The following METTL15 variants were observed in gnomAD, a reference collection of about 807,000 sequenced individuals.
The protein encoded by METTL15 is 12S rRNA N(4)-cytidine methyltransferase METTL15.
Under a neutral mutation model 38.3 loss-of-function variants are expected in METTL15, and 34 were observed. The ratio of observed to expected loss-of-function variants is 0.89; its 90% CI spans 0.68 to 1.18. The LOEUF is 1.18. Among genes scored for constraint, METTL15 ranks in the 50% most tolerant of loss-of-function variants. METTL15 has a pLI of 0.00. For synonymous variants in METTL15, 162 were observed against 170.9 expected, an observed-to-expected ratio of 0.95 and a Z score of 0.41; for missense variants, 438 against 498.4, an observed-to-expected ratio of 0.88 and a Z score of 1.15.
chr11:28,218,703 A>G (rs745497611), intron 4 of METTL15, among the ~76,000 whole-genome samples: 24 of 152,152 alleles, frequency 1.6e-4, no homozygotes, highest in East Asian at 7.7e-4. Flanking sequence ...GGTTGTCATA[A>G]ATAGCTCTTA....
At position 28,154,174 on chromosome 11, in the gene METTL15, G is replaced by T. The variant is rs532756320; in HGVS notation, c.270+40570G>T. ...ATTGAAGGGGAGATTCTAGCATAGT[G>T]GTTAACAACACAGGCTGTGGAGCCA... On this transcript the variant is annotated intron_variant, in intron 3 of 6. Coordinates refer to ENST00000407364, the MANE Select transcript of METTL15 (RefSeq NM_001113528.2). Among the ~76,000 whole-genome samples the T allele has an allele frequency of 5.7e-4, 86 of 152,196 alleles. No homozygotes were observed. The South Asian group carries it at 5.8e-3, about 10-fold the overall frequency.
intron 6 of METTL15, among the ~76,000 whole-genome samples, chr11:28,441,532 C>T (rs1851034919): frequency 6.6e-6 from 1 of 152,118 alleles, no homozygotes; most frequent in Non-Finnish European, 1.5e-5. Context: ...CTCATCATAT[C>T]CTAAAATGTA....
chr11:28,527,513 A>G (rs1169366130), downstream of METTL15, among the ~76,000 whole-genome samples: 1 of 152,226 alleles, frequency 6.6e-6, no homozygotes, highest in African/African-American at 2.4e-5. Context: ...AATGGACATC[A>G]AAACCAGTCA....
At chr11:28,174,013 C>G (rs188756483) in intron 3 of METTL15, among the ~76,000 whole-genome samples, 1 of 152,260 alleles carries the variant, frequency 6.6e-6, no homozygotes, top group African/African-American at 2.4e-5. Flanking sequence ...GCTGTGTTTA[C>G]AGATTTCTCC....
At chr11:28,145,359 A>T (rs1052067136) in intron 3 of METTL15, 13 of 151,950 alleles carry the variant, frequency 8.6e-5, no homozygotes, top group African/African-American at 3.1e-4. Flanking sequence ...TCATCTCAGA[A>T]TTTTTTAAAT....
chr11:28,297,827 A>G (rs1004732247), intron 6 of METTL15, among the ~76,000 whole-genome samples: 4 of 152,078 alleles, frequency 2.6e-5, no homozygotes, highest in Non-Finnish European at 5.9e-5. Flanking sequence ...GAAGTTTTTA[A>G]AAAAGGAATA....
chr11:28,377,545 T>C (rs1022838503), intron 5 of METTL15, among the ~76,000 whole-genome samples: 2 of 151,760 alleles, frequency 1.3e-5, no homozygotes, highest in African/African-American at 4.8e-5. Flanking sequence ...TTGGTTATTC[T>C]AGTTATACAT....
intron 4 of METTL15, among the ~76,000 whole-genome samples, chr11:28,355,835 G>A (rs1850085786): frequency 1.3e-5 from 2 of 152,140 alleles, no homozygotes; most frequent in Admixed American, 1.3e-4. Context: ...TGGAAGGATT[G>A]AATAAAATAA....
intron 4 of METTL15, among the ~76,000 whole-genome samples, chr11:28,266,861 A>G (rs1024770662): frequency 3.3e-5 from 5 of 152,180 alleles, no homozygotes; most frequent in Non-Finnish European, 7.3e-5. Flanking sequence ...TAACTGTTTT[A>G]CAAAGAAGGA....
chr11:28,430,587 G>C (rs1412214924), intron 6 of METTL15, among the ~76,000 whole-genome samples: 1 of 47,666 alleles, frequency 2.1e-5, no homozygotes. Flanking sequence ...CGCCCCGTCC[G>C]GGAGGGAGGT....
chr11:28,468,206 A>T (rs1851273711), intron 6 of METTL15, among the ~76,000 whole-genome samples: 1 of 152,150 alleles, frequency 6.6e-6, no homozygotes, highest in African/African-American at 2.4e-5. Flanking sequence ...CTTTTATCTT[A>T]ATTTCTTAGT....
intron 4 of METTL15, among the ~76,000 whole-genome samples, chr11:28,215,871 C>G (rs1056627556): frequency 1.3e-5 from 2 of 151,970 alleles, no homozygotes; most frequent in Admixed American, 1.3e-4. Flanking sequence ...CCGTTTCTTA[C>G]AGAGAAATGG....
intron 6 of METTL15, among the ~76,000 whole-genome samples, chr11:28,426,095 C>T (rs1378935537): frequency 6.6e-6 from 1 of 152,132 alleles, no homozygotes; most frequent in East Asian, 1.9e-4. Flanking sequence ...GCTCTTCCTC[C>T]TCCCCACCCA....
downstream of METTL15, among the ~76,000 whole-genome samples, chr11:28,527,630 A>G (rs191032474): frequency 1.3e-5 from 2 of 152,312 alleles, no homozygotes; most frequent in African/African-American, 2.4e-5. Flanking sequence ...TAGAGGAAAG[A>G]GGCATGGTGC....
In METTL15 at chr11:28,304,296, A is replaced by C. The variant is rs113002551; in HGVS notation, c.778+7365A>C. Among the ~76,000 whole-genome samples, 198 of 152,280 alleles carry C rather than the reference A, an allele frequency of 1.3e-3. 2 individuals are homozygous for C. Among genetic ancestry groups the C allele is most frequent in the African/African-American group, 4.6e-3 (190 of 41,558 alleles). Reference sequence around the variant, plus strand: ...AATAATTGTCTTTTTCTGCACTGGGACATGTTAAGGTATATCTTTCCACAG... The same window carrying C: ...AATAATTGTCTTTTTCTGCACTGGGCCATGTTAAGGTATATCTTTCCACAG... On this transcript the variant is annotated intron_variant, in intron 6 of 6. Transcript: ENST00000407364.
intron 4 of METTL15, among the ~76,000 whole-genome samples, chr11:28,265,279 C>A (rs1025499657): frequency 6.6e-6 from 1 of 151,536 alleles, no homozygotes; most frequent in Non-Finnish European, 1.5e-5. Flanking sequence ...TGTCTCTTTC[C>A]CTAAATTCAC....
intron 6 of METTL15, among the ~76,000 whole-genome samples, chr11:28,437,025 G>A (rs966119104): frequency 7.9e-5 from 12 of 152,180 alleles, no homozygotes; most frequent in African/African-American, 2.9e-4. Context: ...TTTCTTCCAT[G>A]CTAGATGCTT....
chr11:28,119,961 A>G (rs1439129308), intron 3 of METTL15, among the ~76,000 whole-genome samples: 1 of 151,800 alleles, frequency 6.6e-6, no homozygotes, highest in African/African-American at 2.4e-5. Flanking sequence ...ATCTTTTTAA[A>G]TTTTTTTTGA....
At chr11:28,504,514 C>T (rs1851611295) in intron 6 of METTL15, among the ~76,000 whole-genome samples, 2 of 151,974 alleles carry the variant, frequency 1.3e-5, no homozygotes, top group African/African-American at 4.8e-5. Flanking sequence ...AAAGAAAATC[C>T]AAGATTTTTT....
Sources: allele counts gnomAD v4.1 joint callset (sites outside exome capture counted in the v4.1 genomes callset), GRCh38; gene constraint gnomAD v4.1.1; transcripts MANE v1.5; gene names NCBI Gene and HGNC (gene_info 2026-07-23, HGNC 2026-07-21).